Variants in THEMIS observed in about 807,000 individuals in gnomAD.
THEMIS encodes protein THEMIS.
In THEMIS, 37 loss-of-function variants were observed where a neutral mutation model predicts 52.6. That is an observed-to-expected ratio of 0.70 (90% CI 0.54 to 0.93). THEMIS has a LOEUF of 0.93. Among genes scored for constraint, THEMIS ranks in the 40% least tolerant of loss-of-function variants. THEMIS has a pLI of 0.00. For synonymous variants in THEMIS, 292 were observed against 272.7 expected (o/e 1.07, Z -0.70); for missense variants, 808 against 763.1 (o/e 1.06, Z -0.69).
intron 4 of THEMIS, among the ~76,000 whole-genome samples, chr6:127,797,502 C>A (rs1281734799): frequency 6.6e-6 from 1 of 152,142 alleles, no homozygotes; most frequent in African/African-American, 2.4e-5. Flanking sequence ...AAATAACTTA[C>A]CCCAGGCAAA....
At chr6:127,905,565 G>C (rs1781248123), upstream of THEMIS, among the ~76,000 whole-genome samples, 1 of 151,862 alleles carries the variant, frequency 6.6e-6, no homozygotes. Flanking sequence ...GAATGAAGAG[G>C]GTGAATATGT....
At chr6:127,822,459 AAAT>A (rs1778372342) in intron 3 of THEMIS, among the ~76,000 whole-genome samples, 1 of 152,118 alleles carries the variant, frequency 6.6e-6, no homozygotes, top group South Asian at 2.1e-4. Flanking sequence ...CTCTTAGAAA[AAAT>A]AATCATAATC....
intron 4 of THEMIS, among the ~76,000 whole-genome samples, chr6:127,734,913 A>ATATATGTGTG (rs1398876841): frequency 1.9e-5 from 2 of 106,446 alleles, no homozygotes; most frequent in Admixed American, 1.1e-4. Context: ...ATATATATAT[A>ATATATGTGTG]TGTGTGTGTG....
chr6:127,748,698 G>T (rs1026506563), intron 4 of THEMIS, among the ~76,000 whole-genome samples: 11 of 151,764 alleles, frequency 7.2e-5, no homozygotes, highest in African/African-American at 2.7e-4. Context: ...TAGCAAAATG[G>T]GAATCAAAAA....
At chr6:127,783,276 C>G (rs892075514) in intron 4 of THEMIS, among the ~76,000 whole-genome samples, 4 of 152,102 alleles carry the variant, frequency 2.6e-5, no homozygotes, top group African/African-American at 9.7e-5. Context: ...GACCTAAAAC[C>G]TTAAAAATGC....
At chr6:127,708,162 T>A (rs1773852646), downstream of THEMIS, 1 of 152,096 alleles carries the variant, frequency 6.6e-6, no homozygotes. Flanking sequence ...AGGAAGATAG[T>A]TATTCTAGAG....
chr6:127,787,854 G>GACAGAT (rs757049097), intron 4 of THEMIS, among the ~76,000 whole-genome samples: 206 of 121,866 alleles, frequency 1.7e-3, no homozygotes, highest in Middle Eastern at 4.2e-3. Context: ...GACAGATATA[G>GACAGAT]ATAGATAGAT....
intron 4 of THEMIS, among the ~76,000 whole-genome samples, chr6:127,787,650 C>G (rs1776996960): frequency 6.6e-6 from 1 of 152,078 alleles, no homozygotes; most frequent in Admixed American, 6.6e-5. Flanking sequence ...TATACAATAT[C>G]TTGATAAACG....
chr6:127,837,176 A>G (rs951183195), intron 2 of THEMIS, among the ~76,000 whole-genome samples: 1 of 152,058 alleles, frequency 6.6e-6, no homozygotes, highest in Non-Finnish European at 1.5e-5. Context: ...GACACAGAAA[A>G]TGATAGAAAA....
intron 1 of THEMIS, among the ~76,000 whole-genome samples, chr6:127,907,336 G>GGTTTTTTTT (rs1444629822): frequency 3.5e-5 from 1 of 28,598 alleles, no homozygotes; most frequent in African/African-American, 1.1e-4. Flanking sequence ...ATTAGGCTCG[G>GGTTTTTTTT]ATTTTTTTTT....
At chr6:127,729,195 TC>T (rs1173148552) in intron 4 of THEMIS, among the ~76,000 whole-genome samples, 30 of 123,428 alleles carry the variant, frequency 2.4e-4, no homozygotes, top group African/African-American at 9.1e-4. Flanking sequence ...TCTCTCTCTC[TC>T]TCTCTCTTCA....
At chr6:127,704,809 C>T (rs976782917), downstream of THEMIS, among the ~76,000 whole-genome samples, 5 of 152,192 alleles carry the variant, frequency 3.3e-5, no homozygotes, top group African/African-American at 1.2e-4. Context: ...TGTACCTGCA[C>T]TTTTTATTCG....
chr6:127,719,395 A>G (rs761338028), intron 5 of THEMIS, among the ~76,000 whole-genome samples: 1 of 151,978 alleles, frequency 6.6e-6, no homozygotes, highest in Non-Finnish European at 1.5e-5. Flanking sequence ...TCCAGCAAAA[A>G]TATTATTATC....
intron 3 of THEMIS, among the ~76,000 whole-genome samples, chr6:127,824,133 C>G (rs1778427465): frequency 6.6e-6 from 1 of 152,138 alleles, no homozygotes; most frequent in African/African-American, 2.4e-5. Flanking sequence ...GGTCTCCACT[C>G]TAATCTAGGG....
chr6:127,791,648 A>G (rs1777161518), intron 4 of THEMIS, among the ~76,000 whole-genome samples: 1 of 152,042 alleles, frequency 6.6e-6, no homozygotes, highest in Non-Finnish European at 1.5e-5. Flanking sequence ...GCATCCTACC[A>G]CCATTAACCT....
chr6:127,725,887 G>T (rs1414542748), intron 4 of THEMIS, among the ~76,000 whole-genome samples: 1 of 152,112 alleles, frequency 6.6e-6, no homozygotes, highest in African/African-American at 2.4e-5. Flanking sequence ...GGCAGGACTT[G>T]GTTCATCAGC....
chr6:127,707,506 G>A (rs186364240), downstream of THEMIS, among the ~76,000 whole-genome samples: 3 of 152,236 alleles, frequency 2.0e-5, no homozygotes, highest in Admixed American at 2.0e-4. Context: ...TTGTTACAGG[G>A]TTTTTGCAAT....
intron 1 of THEMIS, among the ~76,000 whole-genome samples, chr6:127,862,451 G>C (rs112044594): frequency 1.0e-4 from 2 of 19,474 alleles, no homozygotes; most frequent in South Asian, 9.9e-4. Context: ...TTTTTTTTTT[G>C]CTCTGTTGCC....
intron 2 of THEMIS, among the ~76,000 whole-genome samples, chr6:127,848,260 T>C: frequency 6.6e-6 from 1 of 151,942 alleles, no homozygotes. Flanking sequence ...GAACTCATCA[T>C]TTTTTATAGC....
Sources: gnomAD v4.1 joint callset for allele counts (sites outside exome capture counted in the v4.1 genomes callset) on GRCh38, gnomAD v4.1.1 for gene constraint, MANE v1.5 for transcripts, NCBI Gene and HGNC (gene_info 2026-07-23, HGNC 2026-07-21) for gene names.